CCSER1: variants seen among roughly 807,000 people sequenced by gnomAD.
The protein encoded by CCSER1 is coiled-coil serine rich protein 1.
In CCSER1, 41 loss-of-function variants were observed where a neutral mutation model predicts 82.0. The ratio of observed to expected loss-of-function variants is 0.50; its 90% CI spans 0.39 to 0.65. The LOEUF is 0.65. Ranked by LOEUF, CCSER1 falls within the 30% of genes least tolerant of loss-of-function variation. The probability of loss-of-function intolerance (pLI) is 0.00; values close to 1 mark genes in which losing one functional copy is unlikely to be tolerated. For synonymous variants in CCSER1, 414 were observed against 383.9 expected, an observed-to-expected ratio of 1.08 and a Z score of -0.92; for missense variants, 1,119 against 1,064.2, an observed-to-expected ratio of 1.05 and a Z score of -0.72.
intron 10 of CCSER1, among the ~76,000 whole-genome samples, chr4:91,297,385 A>ATGTGTGTGTGTGTGTGTGTG (rs57164334): frequency 1.4e-4 from 16 of 117,984 alleles, no homozygotes; most frequent in African/African-American, 2.4e-4. Context: ...GTGTGTGTGT[A>ATGTGTGTGTGTGTGTGTGTG]TGTGTGTGTG....
intron 7 of CCSER1, among the ~76,000 whole-genome samples, chr4:90,803,465 G>T (rs1183175170): frequency 6.6e-6 from 1 of 152,090 alleles, no homozygotes; most frequent in Non-Finnish European, 1.5e-5. Flanking sequence ...TGTGGTGTTT[G>T]GTTTTCTGTC....
intron 10 of CCSER1, among the ~76,000 whole-genome samples, chr4:91,265,646 C>CT (rs577072582): frequency 1.9e-3 from 295 of 152,098 alleles, no homozygotes; most frequent in African/African-American, 6.8e-3. Context: ...TTCCTTCATA[C>CT]TTTTTTTATT....
At chr4:90,245,242 G>T (rs1721208395) in intron 1 of CCSER1, among the ~76,000 whole-genome samples, 1 of 152,110 alleles carries the variant, frequency 6.6e-6, no homozygotes, top group Non-Finnish European at 1.5e-5. Flanking sequence ...TGTTCACACA[G>T]TTTTTAAATT....
intron 10 of CCSER1, among the ~76,000 whole-genome samples, chr4:91,308,606 AG>A (rs886895583): frequency 1.2e-3 from 12 of 10,420 alleles, no homozygotes; most frequent in African/African-American, 2.0e-3. Context: ...GTGCATTCTC[AG>A]TTCTGAAAAA....
At chr4:90,527,489 C>G (rs1043538401) in intron 5 of CCSER1, among the ~76,000 whole-genome samples, 2 of 152,030 alleles carry the variant, frequency 1.3e-5, no homozygotes, top group Non-Finnish European at 2.9e-5. Context: ...CAGTGCACCT[C>G]TGATATAATA....
intron 5 of CCSER1, among the ~76,000 whole-genome samples, chr4:90,542,132 T>G (rs142160480): frequency 2.6e-3 from 401 of 152,140 alleles, no homozygotes; most frequent in Non-Finnish European, 3.8e-3. Context: ...ATAAAAGAAC[T>G]TTTCAGAGAT....
chr4:91,514,440 G>A (rs990733926), intron 10 of CCSER1, among the ~76,000 whole-genome samples: 2 of 152,106 alleles, frequency 1.3e-5, no homozygotes, highest in African/African-American at 4.8e-5. Flanking sequence ...TGATTGATAT[G>A]AGAAGTATTC....
chr4:91,434,388 G>A (rs771670286), intron 10 of CCSER1, among the ~76,000 whole-genome samples: 47 of 152,170 alleles, frequency 3.1e-4, no homozygotes, highest in Middle Eastern at 6.8e-3. Flanking sequence ...CACGTTCAAA[G>A]TTACAGAGAA....
At chr4:90,439,073 C>T (rs531712694) in intron 4 of CCSER1, among the ~76,000 whole-genome samples, 537 of 152,190 alleles carry the variant, frequency 3.5e-3, no homozygotes, top group Non-Finnish European at 6.2e-3. Context: ...GCAGGTAGAT[C>T]ACGAGGTCAG....
chr4:91,439,757 G>A (rs1754974289), intron 10 of CCSER1, among the ~76,000 whole-genome samples: 2 of 151,932 alleles, frequency 1.3e-5, no homozygotes, highest in South Asian at 2.1e-4. Context: ...CAAAATAAAA[G>A]GATGGAGGAA....
At chr4:90,470,774 A>C (rs553326820) in intron 5 of CCSER1, among the ~76,000 whole-genome samples, 28 of 149,936 alleles carry the variant, frequency 1.9e-4, no homozygotes, top group Non-Finnish European at 3.4e-4. Context: ...AAAAAAAAAA[A>C]AAAAAAACAA....
At chr4:90,460,342 A>C (rs986384797) in intron 4 of CCSER1, among the ~76,000 whole-genome samples, 1 of 147,570 alleles carries the variant, frequency 6.8e-6, no homozygotes, top group Non-Finnish European at 1.5e-5. Flanking sequence ...AAAAAAAAAA[A>C]AAACTAAGGC....
At chr4:91,461,179 A>C (rs1315970684) in intron 10 of CCSER1, among the ~76,000 whole-genome samples, 1 of 152,220 alleles carries the variant, frequency 6.6e-6, no homozygotes, top group East Asian at 1.9e-4. Context: ...CTATGGCTAA[A>C]ACACAGAAAT....
chr4:90,627,993 G>GC (rs1463470938), intron 5 of CCSER1, 32 bp from the exon 6 acceptor site: 4 of 1,551,648 alleles, frequency 2.6e-6, no homozygotes, highest in Admixed American at 3.4e-5. Flanking sequence ...ATGCTGCACT[G>GC]TAATTTTTGT....
At chr4:91,310,435 GTTTACGA>G (rs1197163924) in intron 10 of CCSER1, among the ~76,000 whole-genome samples, 1 of 150,048 alleles carries the variant, frequency 6.7e-6, no homozygotes, top group East Asian at 2.0e-4. Context: ...TTTTAAGAAA[GTTTACGA>G]ATTTTTGTTG....
At chr4:90,846,217 G>A (rs556388924) in intron 8 of CCSER1, among the ~76,000 whole-genome samples, 1 of 152,156 alleles carries the variant, frequency 6.6e-6, no homozygotes, top group African/African-American at 2.4e-5. Flanking sequence ...ACTATAAATA[G>A]AGATATGTGT....
intron 10 of CCSER1, among the ~76,000 whole-genome samples, chr4:91,288,261 C>A (rs1229992315): frequency 6.6e-6 from 1 of 151,042 alleles, no homozygotes; most frequent in Non-Finnish European, 1.5e-5. Context: ...TTGTTCATAC[C>A]CTTATAATAA....
intron 1 of CCSER1, among the ~76,000 whole-genome samples, chr4:90,165,663 G>A (rs566328519): frequency 8.5e-5 from 13 of 152,094 alleles, no homozygotes; most frequent in African/African-American, 2.9e-4. Flanking sequence ...ACATGTTTCT[G>A]TGATAATGGT....
In CCSER1 at chr4:90,782,681, CTTTCTTTTTT is replaced by C. The variant is rs1372564590; in HGVS notation, c.2011-33077_2011-33068del. Among the ~76,000 whole-genome samples the C allele has an allele frequency of 4.8e-5, 6 of 123,978 alleles. 1 individual carries two copies. Among genetic ancestry groups the C allele is most frequent in the Admixed American group, 4.1e-4 (5 of 12,224 alleles). The allele number at this position is 123,978 out of a possible 152,430, so 81.3% of individuals were successfully genotyped here. On this transcript the variant is annotated intron_variant, in intron 7 of 10. Coordinates refer to ENST00000509176, the MANE Select transcript of CCSER1 (RefSeq NM_001145065.2). Reference sequence around the variant, plus strand: ...GGACAGGGATTTCTTTCTTTTCTTTCTTTCTTTTTTTTTTTTTTTTGAGACAGTCTAGCTC... The same window carrying C: ...GGACAGGGATTTCTTTCTTTTCTTTCTTTTTTTTTTGAGACAGTCTAGCTC...
Sources: allele counts gnomAD v4.1 joint callset (sites outside exome capture counted in the v4.1 genomes callset), GRCh38; gene constraint gnomAD v4.1.1; transcripts MANE v1.5; gene names NCBI Gene and HGNC (gene_info 2026-07-23, HGNC 2026-07-21).